Variants in AKAP14 observed in about 807,000 individuals in gnomAD.
AKAP14 encodes the protein A-kinase anchoring protein 14.
AKAP14 carries 4 observed loss-of-function variants against 17.0 expected under a neutral mutation model. That is an observed-to-expected ratio of 0.23 (90% CI 0.12 to 0.54). The LOEUF (loss-of-function observed/expected upper bound fraction) is 0.54, where lower values mean the gene tolerates loss of function less well. Among genes scored for constraint, AKAP14 ranks in the 20% least tolerant of loss-of-function variants. The pLI, the probability that AKAP14 is intolerant of heterozygous loss-of-function variation, is 0.95. For missense variants in AKAP14, 129 were observed against 150.9 expected (o/e 0.85, Z 0.76); for synonymous variants, 42 against 51.3 (o/e 0.82, Z 0.77).
chrX:119,918,186 T>G (rs1402987639), intron 5 of AKAP14, among the ~76,000 whole-genome samples: 1 of 112,479 alleles, frequency 8.9e-6, no homozygotes, highest in Non-Finnish European at 1.9e-5. Flanking sequence ...ATGCTTTTTC[T>G]CCATAGCACT....
intron 5 of AKAP14, among the ~76,000 whole-genome samples, chrX:119,918,125 C>T (rs1316367584): frequency 8.9e-6 from 1 of 112,781 alleles, no homozygotes; most frequent in African/African-American, 3.2e-5. Context: ...ACACTCTCCC[C>T]TAGGCATGTG....
chrX:119,910,688 G>GT (rs1287215316), intron 4 of AKAP14, among the ~76,000 whole-genome samples: 1 of 110,946 alleles, frequency 9.0e-6, no homozygotes, highest in Non-Finnish European at 1.9e-5. Flanking sequence ...TTGAGGCAGA[G>GT]TTTTGCTTTT....
At chrX:119,906,276 C>T (rs756956987) in intron 4 of AKAP14, among the ~76,000 whole-genome samples, 219 of 94,471 alleles carry the variant, frequency 2.3e-3, no homozygotes, top group Non-Finnish European at 3.8e-3. Context: ...ACTCTGTCGC[C>T]CAGGCTGGAG....
intron 5 of AKAP14, among the ~76,000 whole-genome samples, chrX:119,917,620 AAC>A (rs1038353274): frequency 1.8e-5 from 2 of 109,017 alleles, no homozygotes; most frequent in African/African-American, 3.3e-5. Flanking sequence ...AAAAAAGAAA[AAC>A]ACAAAAATAT....
intron 2 of AKAP14, among the ~76,000 whole-genome samples, chrX:119,900,631 C>T (rs777295958): frequency 3.2e-4 from 36 of 111,865 alleles, no homozygotes; most frequent in Non-Finnish European, 3.8e-4. Context: ...CTCCCAGGCT[C>T]AAGTGATCCT....
intron 2 of AKAP14, 123 bp from the exon 3 acceptor site, chrX:119,903,091 C>T (rs1270838178): frequency 3.1e-5 from 21 of 677,126 alleles, no homozygotes; most frequent in Non-Finnish European, 3.8e-5. Context: ...CCCTAATCCC[C>T]TCCCTAGAGG....
At chrX:119,917,979 G>A (rs1385727644) in intron 5 of AKAP14, among the ~76,000 whole-genome samples, 2 of 111,922 alleles carry the variant, frequency 1.8e-5, no homozygotes, top group Non-Finnish European at 3.8e-5. Flanking sequence ...GTGTGATCTG[G>A]TCCCTTGTTA....
intron 4 of AKAP14, among the ~76,000 whole-genome samples, chrX:119,905,905 G>A (rs1430049944): frequency 9.0e-6 from 1 of 111,349 alleles, no homozygotes; most frequent in African/African-American, 3.3e-5. Context: ...TTGTCCTACT[G>A]CCTGTCTTCC....
At chrX:119,915,804 C>T (rs867749431) in intron 5 of AKAP14, among the ~76,000 whole-genome samples, 1 of 98,005 alleles carries the variant, frequency 1.0e-5, no homozygotes, top group Non-Finnish European at 2.1e-5. Flanking sequence ...CCGTGCCCGG[C>T]CCCCCCAAAC....
intron 5 of AKAP14, among the ~76,000 whole-genome samples, chrX:119,916,478 ATCT>A (rs2056658746): frequency 9.6e-6 from 1 of 103,797 alleles, no homozygotes; most frequent in Non-Finnish European, 2.0e-5. Context: ...CTATCTATCT[ATCT>A]ATCATCTATC....
chrX:119,898,991 A>AC (rs1207919916), intron 2 of AKAP14, among the ~76,000 whole-genome samples: 2 of 104,527 alleles, frequency 1.9e-5, no homozygotes, highest in African/African-American at 7.1e-5. Context: ...AGATGGTGAA[A>AC]CCCCGTCTCT....
chrX:119,916,292 C>G (rs923074434), intron 5 of AKAP14, among the ~76,000 whole-genome samples: 1 of 110,614 alleles, frequency 9.0e-6, no homozygotes, highest in South Asian at 3.8e-4. Flanking sequence ...CCACATCAGC[C>G]TTCCTTGTAG....
chrX:119,897,336 T>G (rs1187836210), intron 2 of AKAP14, among the ~76,000 whole-genome samples: 1 of 109,307 alleles, frequency 9.1e-6, no homozygotes, highest in African/African-American at 3.3e-5. Context: ...ATTTTTTGTA[T>G]TTTTAGTAGA....
intron 4 of AKAP14, among the ~76,000 whole-genome samples, chrX:119,913,797 A>G (rs1258007012): frequency 9.1e-6 from 1 of 109,969 alleles, no homozygotes; most frequent in Admixed American, 9.8e-5. Context: ...CAATCAATCA[A>G]TCAATCAATG....
At chrX:119,910,055 T>C (rs1354388603) in intron 4 of AKAP14, among the ~76,000 whole-genome samples, 1 of 110,278 alleles carries the variant, frequency 9.1e-6, no homozygotes, top group Non-Finnish European at 1.9e-5. Context: ...CTCAGCTACT[T>C]GGGAGGCTGA....
chrX:119,896,808 T>TTC (rs1489909222), intron 2 of AKAP14, among the ~76,000 whole-genome samples: 3 of 56,348 alleles, frequency 5.3e-5, no homozygotes, highest in Admixed American at 4.6e-4. Context: ...TTCTTTTCTT[T>TTC]TTTTCTTTTT....
In AKAP14 at chrX:119,899,780, T is replaced by C. The variant is rs190212454; in HGVS notation, c.-10-3434T>C. On this transcript the variant is annotated intron_variant, in intron 2 of 6. Coordinates refer to ENST00000371431, the MANE Select transcript of AKAP14 (RefSeq NM_178813.6). ...CAAATGGAAGGTGCCCAGCGCACTCTTTCATAGGGCTGTGATGACAGTTAA... is the reference window on the plus strand; with the variant it reads ...CAAATGGAAGGTGCCCAGCGCACTCCTTCATAGGGCTGTGATGACAGTTAA... 1.5e-3 allele frequency among the ~76,000 whole-genome samples: 164 copies of C among 111,701 alleles called. 1 individual carries two copies. The highest frequency in any genetic ancestry group is 5.1e-3 in the African/African-American group (158 of 30,794).
intron 2 of AKAP14, among the ~76,000 whole-genome samples, chrX:119,900,487 C>A (rs6646508): frequency 0.37 from 40,539 of 110,456 alleles, 5,805 homozygotes; most frequent in African/African-American, 0.48. Context: ...AACCCCTTGG[C>A]CTCCCAAATT....
chrX:119,909,117 A>G (rs1262715401), intron 4 of AKAP14, among the ~76,000 whole-genome samples: 1 of 111,669 alleles, frequency 9.0e-6, no homozygotes, highest in Non-Finnish European at 1.9e-5. Context: ...TCAATGTTAT[A>G]AAGTCTGTGA....
Sources: allele counts gnomAD v4.1 joint callset (sites outside exome capture counted in the v4.1 genomes callset), GRCh38; gene constraint gnomAD v4.1.1; transcripts MANE v1.5; gene names NCBI Gene and HGNC (gene_info 2026-07-23, HGNC 2026-07-21).